TTLL1: variants seen among roughly 807,000 people sequenced by gnomAD.
TTLL1 encodes polyglutamylase complex subunit TTLL1.
A neutral mutation model predicts 47.8 loss-of-function variants in TTLL1; 33 were observed. The observed-to-expected ratio is 0.69, with a 90% CI of 0.52 to 0.92. TTLL1 has a LOEUF of 0.92. TTLL1 is among the 40% of genes least tolerant of loss of function. The probability of loss-of-function intolerance (pLI) is 0.00; values close to 1 mark genes in which losing one functional copy is unlikely to be tolerated. For missense variants in TTLL1, 488 were observed against 547.5 expected (o/e 0.89, Z 1.08); for synonymous variants, 225 against 214.1 (o/e 1.05, Z -0.45).
chr22:43,084,386 G>A (rs1169990417), intron 1 of TTLL1, among the ~76,000 whole-genome samples: 1 of 152,126 alleles, frequency 6.6e-6, no homozygotes, highest in Non-Finnish European at 1.5e-5. Context: ...CTAACCTCAC[G>A]TGATCCATCC....
At chr22:43,075,623 C>A (rs1928437897) in intron 2 of TTLL1, 33 bp from the exon 3 acceptor site, 9 of 1,577,778 alleles carry the variant, frequency 5.7e-6, no homozygotes, top group African/African-American at 1.3e-5. Context: ...AGATATGAAA[C>A]TTCAACAGCT....
intron 7 of TTLL1, among the ~76,000 whole-genome samples, chr22:43,060,102 A>G (rs753029308): frequency 8.7e-4 from 133 of 152,188 alleles, no homozygotes; most frequent in Non-Finnish European, 1.8e-3. Flanking sequence ...GGCTTACTGC[A>G]CTGTGAGCCA....
chr22:43,081,221 G>C (rs1377140518), intron 1 of TTLL1, among the ~76,000 whole-genome samples: 2 of 151,894 alleles, frequency 1.3e-5, no homozygotes, highest in Non-Finnish European at 2.9e-5. Flanking sequence ...CGGCTGCACA[G>C]AATCTTTCCA....
At chr22:43,052,360 A>C (rs1926699959) in intron 8 of TTLL1, 2 of 168,578 alleles carry the variant, frequency 1.2e-5, no homozygotes, top group Non-Finnish European at 2.6e-5. Flanking sequence ...ATCCATTTAC[A>C]TACAAATTTT....
At position 43,074,576 on chromosome 22, in the gene TTLL1, C is replaced by T. The variant is rs11912588; in HGVS notation, c.113+898G>A. Among the ~76,000 whole-genome samples, 1,427 of 152,200 alleles carry T rather than the reference C, an allele frequency of 9.4e-3. 30 individuals carry two copies. Among genetic ancestry groups the T allele is most frequent in the African/African-American group, 0.033 (1,379 of 41,530 alleles). On this transcript the variant is annotated intron_variant, in intron 3 of 10. Coordinates refer to ENST00000266254, the MANE Select transcript of TTLL1 (RefSeq NM_012263.5). ...GCTCCGAAGGCTGGGTACAGTGGCTCACGCCTGTAATCCCAACACTTTGGG... is the reference window on the plus strand; with the variant it reads ...GCTCCGAAGGCTGGGTACAGTGGCTTACGCCTGTAATCCCAACACTTTGGG...
At chr22:43,056,018 T>C (rs1168439647) in intron 8 of TTLL1, among the ~76,000 whole-genome samples, 1 of 152,044 alleles carries the variant, frequency 6.6e-6, no homozygotes, top group East Asian at 1.9e-4. Flanking sequence ...GAGCTGGGAT[T>C]ACAGGCGTGA....
intron 7 of TTLL1, among the ~76,000 whole-genome samples, chr22:43,059,739 G>A (rs760044728): frequency 1.3e-5 from 2 of 152,176 alleles, no homozygotes; most frequent in Non-Finnish European, 2.9e-5. Context: ...CCCCAAGCTG[G>A]AGTGCGGTGG....
intron 3 of TTLL1, among the ~76,000 whole-genome samples, chr22:43,072,905 C>A (rs976561974): frequency 6.6e-6 from 1 of 152,072 alleles, no homozygotes; most frequent in Non-Finnish European, 1.5e-5. Context: ...TGGCCTGTGG[C>A]CATCTTTAAT....
At chr22:43,066,483 G>T (rs563906731) in intron 5 of TTLL1, among the ~76,000 whole-genome samples, 9 of 152,176 alleles carry the variant, frequency 5.9e-5, no homozygotes, top group Admixed American at 5.9e-4. Context: ...CAGCACTTTG[G>T]GAGGCTGAGG....
chr22:43,052,152 C>T (rs1926682108), intron 8 of TTLL1: 1 of 461,678 alleles, frequency 2.2e-6, no homozygotes, highest in Non-Finnish European at 4.0e-6. Flanking sequence ...TTGACTAGCA[C>T]CCAACCCCTC....
At chr22:43,087,561 G>A (rs1192748266) in intron 1 of TTLL1, among the ~76,000 whole-genome samples, 2 of 150,884 alleles carry the variant, frequency 1.3e-5, no homozygotes, top group East Asian at 2.0e-4. Context: ...TTCTTAGCAG[G>A]GCACGGTGGC....
chr22:43,064,214 G>A lies in TTLL1; in HGVS notation c.614C>T (p.Thr205Met), dbSNP rs770156420. Reference sequence around the variant, plus strand: ...CATGTAACAGCGCAGTGGACGGTACGTGGACACCAGAACGTACAAGCGCAG... The same window carrying A: ...CATGTAACAGCGCAGTGGACGGTACATGGACACCAGAACGTACAAGCGCAG... ...FDLRLYVLVSTYRPLRCYMYK... is the reference protein window; with the variant it reads ...FDLRLYVLVSMYRPLRCYMYK... Residue 205 changes from threonine (T) to methionine (M), a missense_variant, in exon 6 of 11, where the codon ACG becomes ATG. Thr to Met is a moderately conservative substitution (Grantham distance 81, BLOSUM62 -1). Transcript: ENST00000266254. 11 of 1,614,086 alleles carry A rather than the reference G, an allele frequency of 6.8e-6. No individual in the cohort carries two copies. Among genetic ancestry groups the A allele is most frequent in the East Asian group, 2.2e-5 (1 of 44,876 alleles).
At position 43,065,764 on chromosome 22, in the gene TTLL1, A is replaced by G. The variant is rs117419550; in HGVS notation, c.504-1440T>C. Among the ~76,000 whole-genome samples, 689 of 152,060 alleles carry G rather than the reference A, an allele frequency of 4.5e-3. 4 individuals carry two copies. The highest frequency in any genetic ancestry group is 5.0e-3 in the Non-Finnish European group (337 of 67,964). ...GCTAATCAGTTTGCTAACTTTAACA[A>G]TTCTGGTAGGGGATGCTGATAAGGG... On this transcript the variant is annotated intron_variant, in intron 5 of 10. Coordinates refer to ENST00000266254, the MANE Select transcript of TTLL1 (RefSeq NM_012263.5).
chr22:43,087,907 G>A (rs1385160624), intron 1 of TTLL1, among the ~76,000 whole-genome samples: 1 of 150,516 alleles, frequency 6.6e-6, no homozygotes, highest in African/African-American at 2.5e-5. Context: ...CAGCACTTTG[G>A]GAGGCCGAGG....
chr22:43,069,497 G>T, intron 4 of TTLL1, 139 bp downstream of exon 4: 1 of 1,462,002 alleles, frequency 6.8e-7, no homozygotes, highest in Non-Finnish European at 9.1e-7. Flanking sequence ...GGAGACACCT[G>T]AAATGAAACA....
intron 1 of TTLL1, among the ~76,000 whole-genome samples, chr22:43,080,397 C>A (rs1362077883): frequency 1.3e-5 from 2 of 152,030 alleles, no homozygotes; most frequent in Admixed American, 6.6e-5. Flanking sequence ...CCGTAACTAG[C>A]CAGAATATTC....
At chr22:43,040,986 C>T (rs1271694867) in intron 10 of TTLL1, among the ~76,000 whole-genome samples, 1 of 152,124 alleles carries the variant, frequency 6.6e-6, no homozygotes, top group African/African-American at 2.4e-5. Context: ...GCACCTATTG[C>T]AGGCTGTGGC....
chr22:43,048,349 T>C (rs1205053031), intron 9 of TTLL1, among the ~76,000 whole-genome samples: 1 of 151,572 alleles, frequency 6.6e-6, no homozygotes, highest in Non-Finnish European at 1.5e-5. Context: ...AAAGAATTGT[T>C]TTAGGCTGTG....
At chr22:43,052,181 A>T (rs1926685783) in intron 8 of TTLL1, 3 of 411,708 alleles carry the variant, frequency 7.3e-6, no homozygotes, top group African/African-American at 6.1e-5. Flanking sequence ...TGAGACTGTC[A>T]TCAGAGTGAA....
Sources: gnomAD v4.1 joint callset for allele counts (sites outside exome capture counted in the v4.1 genomes callset) on GRCh38, gnomAD v4.1.1 for gene constraint, MANE v1.5 for transcripts, NCBI Gene and HGNC (gene_info 2026-07-23, HGNC 2026-07-21) for gene names.